Variants in OSBPL8 observed in about 807,000 individuals in gnomAD.
OSBPL8 encodes the protein oxysterol-binding protein-related protein 8.
A neutral mutation model predicts 125.5 loss-of-function variants in OSBPL8; 59 were observed. The ratio of observed to expected loss-of-function variants is 0.47; its 90% CI spans 0.38 to 0.58. The LOEUF (loss-of-function observed/expected upper bound fraction) is 0.58, where lower values mean the gene tolerates loss of function less well. OSBPL8 is among the 20% of genes least tolerant of loss of function. OSBPL8 has a pLI of 0.00. For synonymous variants in OSBPL8, 330 were observed against 338.9 expected (o/e 0.97, Z 0.29); for missense variants, 758 against 1,047.8 (o/e 0.72, Z 3.82).
intron 2 of OSBPL8, among the ~76,000 whole-genome samples, chr12:76,476,951 GA>G (rs1488804587): frequency 6.6e-6 from 1 of 152,120 alleles, no homozygotes; most frequent in Non-Finnish European, 1.5e-5. Flanking sequence ...GACCAAATGA[GA>G]AAAGAAAGAA....
intron 4 of OSBPL8, among the ~76,000 whole-genome samples, chr12:76,423,444 A>C (rs1180505487): frequency 6.6e-6 from 1 of 152,208 alleles, no homozygotes; most frequent in African/African-American, 2.4e-5. Flanking sequence ...ATTACATTTA[A>C]ACTGTTCAAA....
At position 76,392,697 on chromosome 12, in the gene OSBPL8, T is replaced by C. The variant is rs1433347856; in HGVS notation, c.813A>G (p.Lys271=). 6.2e-7 allele frequency: 1 copy of C among 1,614,034 alleles called. No individual in the cohort carries two copies. The highest frequency in any genetic ancestry group is 1.7e-5 in the Admixed American group (1 of 60,026). Residue 271 remains lysine, a synonymous_variant, in exon 10 of 24, where the codon AAA becomes AAG. Coordinates refer to ENST00000261183, the MANE Select transcript of OSBPL8 (RefSeq NM_020841.5). ...CCTTTCCTTCTCTGATCATTGTACG[T>C]TTAAGAAGACTAGAACATTTCAAAG... ...ELALKCSSLL[K]RTMIREGKEH... is the part of the protein sequence containing the mutation.
intron 1 of OSBPL8, among the ~76,000 whole-genome samples, chr12:76,554,544 C>T (rs1428015950): frequency 6.6e-6 from 1 of 152,064 alleles, no homozygotes; most frequent in Non-Finnish European, 1.5e-5. Context: ...CTGTCAGTTG[C>T]TCAGGTTTAA....
chr12:76,457,258 G>T (rs1333008068), intron 3 of OSBPL8, among the ~76,000 whole-genome samples: 1 of 152,118 alleles, frequency 6.6e-6, no homozygotes, highest in African/African-American at 2.4e-5. Flanking sequence ...ATGTTATGTA[G>T]TTACGATTTA....
At chr12:76,511,565 T>C (rs1335335580) in intron 1 of OSBPL8, among the ~76,000 whole-genome samples, 2 of 152,228 alleles carry the variant, frequency 1.3e-5, no homozygotes, top group East Asian at 1.9e-4. Context: ...GCTCACTTTT[T>C]AATAGGGTTG....
chr12:76,533,579 C>T (rs1950410406), intron 1 of OSBPL8, among the ~76,000 whole-genome samples: 1 of 152,094 alleles, frequency 6.6e-6, no homozygotes, highest in Admixed American at 6.5e-5. Context: ...AAGTGATGAC[C>T]AGCCCTCCAA....
chr12:76,557,811 T>C (rs1005677506), intron 1 of OSBPL8, among the ~76,000 whole-genome samples: 1 of 152,194 alleles, frequency 6.6e-6, no homozygotes, highest in Non-Finnish European at 1.5e-5. Flanking sequence ...CTGAATGTGT[T>C]ATAAAAAACA....
intron 4 of OSBPL8, among the ~76,000 whole-genome samples, chr12:76,411,951 A>G (rs1025160647): frequency 1.3e-5 from 2 of 152,148 alleles, no homozygotes; most frequent in African/African-American, 4.8e-5. Context: ...AACAACTTTG[A>G]AAAACTACTT....
intron 4 of OSBPL8, among the ~76,000 whole-genome samples, chr12:76,426,686 C>A (rs1870188422): frequency 6.6e-6 from 1 of 152,056 alleles, no homozygotes; most frequent in Non-Finnish European, 1.5e-5. Flanking sequence ...TTTATGTACT[C>A]TTCAGACTGC....
chr12:76,430,911 C>T (rs1592669400), intron 4 of OSBPL8, among the ~76,000 whole-genome samples: 1 of 152,166 alleles, frequency 6.6e-6, no homozygotes. Flanking sequence ...TAAACAACAA[C>T]ATAAAAGCAT....
chr12:76,355,982 T>G lies in OSBPL8; in HGVS notation c.2577A>C (p.Thr859=), dbSNP rs1951968324. 1.2e-6 allele frequency: 2 copies of G among 1,613,184 alleles called. No homozygotes were observed. The highest frequency in any genetic ancestry group is 2.2e-5 in the East Asian group (1 of 44,856). The part of the protein sequence containing the change: ...MALRNHLVSS[T]PATDYFLQQK... ...GTTGCAGAAAATAATCCGTGGCCGG[T>G]GTGCTTGAAACTAAATGATTTCGAA... The change falls in exon 24 of 24, where the codon ACA becomes ACC. Residue 859 remains threonine, a synonymous_variant. Coordinates refer to ENST00000261183, the MANE Select transcript of OSBPL8 (RefSeq NM_020841.5).
chr12:76,440,447 CTG>C (rs1872052839), intron 4 of OSBPL8, among the ~76,000 whole-genome samples: 1 of 152,024 alleles, frequency 6.6e-6, no homozygotes, highest in African/African-American at 2.4e-5. Context: ...TCTTTGAAGT[CTG>C]TGTTTAAAAT....
intron 4 of OSBPL8, among the ~76,000 whole-genome samples, chr12:76,449,455 T>C (rs1319397206): frequency 6.6e-6 from 1 of 152,216 alleles, no homozygotes; most frequent in African/African-American, 2.4e-5. Flanking sequence ...TTTCATTATG[T>C]TGCCATTTTC....
intron 1 of OSBPL8, among the ~76,000 whole-genome samples, chr12:76,507,754 G>A (rs975642582): frequency 6.6e-6 from 1 of 151,476 alleles, no homozygotes; most frequent in Non-Finnish European, 1.5e-5. Context: ...AACCCAGGAG[G>A]CAGAGGTTGC....
chr12:76,410,706 T>C (rs1954479424), intron 4 of OSBPL8, 72 bp from the exon 5 acceptor site: 6 of 1,051,130 alleles, frequency 5.7e-6, no homozygotes, highest in African/African-American at 3.1e-5. Flanking sequence ...TTTTCAAGTA[T>C]AGACTATATT....
At position 76,492,931 on chromosome 12, in the gene OSBPL8, T is replaced by C. The variant is rs966549743; in HGVS notation, c.-67-5313A>G. On this transcript the variant is annotated intron_variant, in intron 1 of 23. Transcript: ENST00000261183. ...ATATATAGATATATATAGATATATA[T>C]AGATATTTTTTTTTTGCTTTCATTG... is the stretch of plus-strand genomic sequence containing the variant. Among the ~76,000 whole-genome samples, 5 of 150,136 alleles carry C rather than the reference T, an allele frequency of 3.3e-5. No individual in the cohort carries two copies. The South Asian group carries it at 1.0e-3, about 31-fold the overall frequency.
intron 1 of OSBPL8, among the ~76,000 whole-genome samples, chr12:76,535,466 G>T (rs1950467928): frequency 1.3e-5 from 2 of 152,114 alleles, no homozygotes; most frequent in South Asian, 4.1e-4. Flanking sequence ...TGTAAGTGTT[G>T]ATGAGAAGGG....
chr12:76,359,811 G>A (rs1173221202), intron 21 of OSBPL8, among the ~76,000 whole-genome samples: 1 of 152,102 alleles, frequency 6.6e-6, no homozygotes, highest in African/African-American at 2.4e-5. Context: ...GGGGGAAACT[G>A]CCCCTATGAT....
At chr12:76,489,547 T>G (rs1878496363) in intron 1 of OSBPL8, among the ~76,000 whole-genome samples, 1 of 152,244 alleles carries the variant, frequency 6.6e-6, no homozygotes, top group African/African-American at 2.4e-5. Flanking sequence ...CAACAAAGCC[T>G]GTATGATAGC....
Sources: allele counts gnomAD v4.1 joint callset (sites outside exome capture counted in the v4.1 genomes callset), GRCh38; gene constraint gnomAD v4.1.1; transcripts MANE v1.5; gene names NCBI Gene and HGNC (gene_info 2026-07-23, HGNC 2026-07-21).